The following SYNE3 variants were observed in gnomAD, a reference collection of about 807,000 sequenced individuals.
SYNE3 encodes nesprin-3.
In SYNE3, 100 loss-of-function variants were observed where a neutral mutation model predicts 111.2. The ratio of observed to expected loss-of-function variants is 0.90; its 90% confidence interval spans 0.77 to 1.06. The LOEUF is 1.06. Among genes scored for constraint, SYNE3 ranks in the 50% least tolerant of loss-of-function variants. The probability of loss-of-function intolerance (pLI) is 0.00; values close to 1 mark genes in which losing one functional copy is unlikely to be tolerated. For missense variants in SYNE3, 1,160 were observed against 1,240.3 expected, an observed-to-expected ratio of 0.94 and a Z score of 0.97; for synonymous variants, 547 against 533.9, an observed-to-expected ratio of 1.02 and a Z score of -0.34.
At chr14:95,482,478 A>G (rs187950621) in intron 1 of SYNE3, among the ~76,000 whole-genome samples, 2 of 152,262 alleles carry the variant, frequency 1.3e-5, no homozygotes, top group Admixed American at 1.3e-4. Flanking sequence ...GAAAACACTA[A>G]TTCTTGTCAT....
intron 4 of SYNE3, among the ~76,000 whole-genome samples, chr14:95,463,370 T>C (rs1028680596): frequency 3.3e-5 from 5 of 152,176 alleles, no homozygotes; most frequent in East Asian, 1.9e-4. Flanking sequence ...TGGGCCAGAA[T>C]TGATGCTCAC....
At chr14:95,473,153 G>C (rs980899928) in intron 2 of SYNE3, among the ~76,000 whole-genome samples, 6 of 152,092 alleles carry the variant, frequency 3.9e-5, no homozygotes, top group East Asian at 3.9e-4. Context: ...AAGCATGCCG[G>C]AGCCCCGTGG....
At chr14:95,427,447 C>T (rs932126613) in intron 17 of SYNE3, among the ~76,000 whole-genome samples, 14 of 152,242 alleles carry the variant, frequency 9.2e-5, no homozygotes, top group African/African-American at 2.9e-4. Flanking sequence ...TCAGTGGTCA[C>T]GCTCCTAGTC....
At chr14:95,430,738 T>A (rs758974837) in intron 17 of SYNE3, among the ~76,000 whole-genome samples, 1 of 151,488 alleles carries the variant, frequency 6.6e-6, no homozygotes, top group Non-Finnish European at 1.5e-5. Flanking sequence ...GCAGGAAAAT[T>A]GCTTGAACCT....
At chr14:95,468,017 G>A in intron 2 of SYNE3, 50 bp from the exon 3 acceptor site, 7 of 1,572,304 alleles carry the variant, frequency 4.5e-6, no homozygotes, top group Non-Finnish European at 6.0e-6. Flanking sequence ...AGGCAGACAG[G>A]CACAACCTTG....
chr14:95,451,984 G>A (rs1887113027), intron 7 of SYNE3: 1 of 301,178 alleles, frequency 3.3e-6, no homozygotes, highest in South Asian at 1.2e-4. Context: ...TAACCTGCAT[G>A]AAGAGTCATG....
chr14:95,466,058 G>T lies in SYNE3; in HGVS notation c.500C>A (p.Ala167Glu), dbSNP rs374330729. 6 of 1,613,360 alleles carry T rather than the reference G, an allele frequency of 3.7e-6. No homozygotes were observed. The African/African-American group carries it at 8.0e-5, about 22-fold the overall frequency. Residue 167 changes from alanine to glutamate, a missense_variant, in exon 4 of 18, where the codon GCG becomes GAG. Coordinates refer to ENST00000682763, the MANE Select transcript of SYNE3 (RefSeq NM_152592.6). ...CTCCAGCAGCCGGTCCAGGAGCACC[G>T]CCTGGTTGTCCACGTTGTGCAGCAG... ...QVLLHNVDNQ[A>E]VLLDRLLEEA...
chr14:95,432,633 C>CTATTATTATTAT (rs3036482), intron 16 of SYNE3, among the ~76,000 whole-genome samples: 11 of 142,478 alleles, frequency 7.7e-5, no homozygotes, highest in South Asian at 2.3e-4. Flanking sequence ...ACTAGTTTTG[C>CTATTATTATTAT]TATTATTATT....
chr14:95,444,484 C>A lies in SYNE3; in HGVS notation c.1776+1G>T, dbSNP rs751249792. On this transcript the variant is annotated splice_donor_variant, in intron 10 of 17. Coordinates refer to ENST00000682763, the MANE Select transcript of SYNE3 (RefSeq NM_152592.6). LOFTEE classifies it high-confidence loss of function. ...TGATTCAGGCCTCACAGACCCCTCA[C>A]CTGCAACCTTGAGAGCTGGGCCTGT... 1.7e-5 allele frequency: 28 copies of A among 1,608,214 alleles called. 1 individual carries two copies. The East Asian group carries it at 6.0e-4, about 35-fold the overall frequency.
intron 2 of SYNE3, among the ~76,000 whole-genome samples, chr14:95,473,912 T>C (rs1337304043): frequency 0.031 from 1,314 of 43,036 alleles, no homozygotes; most frequent in Middle Eastern, 0.065. Flanking sequence ...CTGGTGTGAG[T>C]TTGTGAGGTG....
chr14:95,455,209 C>T (rs1271105834), intron 6 of SYNE3, among the ~76,000 whole-genome samples, 168 bp downstream of exon 6: 1 of 152,172 alleles, frequency 6.6e-6, no homozygotes, highest in Non-Finnish European at 1.5e-5. Context: ...GATAAACACC[C>T]AACTTGTCTA....
intron 1 of SYNE3, among the ~76,000 whole-genome samples, chr14:95,489,736 A>G (rs918206864): frequency 6.7e-6 from 1 of 149,900 alleles, no homozygotes; most frequent in African/African-American, 2.5e-5. Flanking sequence ...GTCACGAGCC[A>G]CCATGCCTGG....
chr14:95,459,850 C>T (rs1200453895), intron 4 of SYNE3, among the ~76,000 whole-genome samples: 1 of 152,078 alleles, frequency 6.6e-6, no homozygotes, highest in African/African-American at 2.4e-5. Context: ...ATAATTCTAG[C>T]ATTTTGGGAG....
chr14:95,443,397 C>A, intron 10 of SYNE3, 108 bp from the exon 11 acceptor site: 1 of 1,418,826 alleles, frequency 7.0e-7, no homozygotes, highest in Non-Finnish European at 9.4e-7. Flanking sequence ...GGGGTGAATT[C>A]CCCAAGGCGG....
intron 1 of SYNE3, among the ~76,000 whole-genome samples, chr14:95,489,319 A>G (rs1246081972): frequency 6.6e-6 from 1 of 152,218 alleles, no homozygotes. Flanking sequence ...TAGGGCCTGG[A>G]ATTTCTGAAC....
intron 1 of SYNE3, among the ~76,000 whole-genome samples, chr14:95,501,027 A>G (rs1306818380): frequency 6.6e-6 from 1 of 152,238 alleles, no homozygotes; most frequent in Non-Finnish European, 1.5e-5. Flanking sequence ...CTTTGCATGA[A>G]AGGCAAATGC....
At position 95,443,182 on chromosome 14, in the gene SYNE3, G is replaced by A; in HGVS notation, c.1884C>T (p.Asp628=). 1 of 1,614,120 alleles carries A rather than the reference G, an allele frequency of 6.2e-7. No homozygotes were observed. Among genetic ancestry groups the A allele is most frequent in the Non-Finnish European group, 8.5e-7 (1 of 1,179,984 alleles). ...HQHKMDQLSS[D]FQALQRSLED... is the part of the protein sequence containing the mutation. ...CCAGAGACCTCTGCAGGGCCTGGAA[G>A]TCGGAGGAAAGCTGGTCCATTTTGT... The change falls in exon 11 of 18, where the codon GAC becomes GAT. Residue 628 remains aspartate, a synonymous_variant. Coordinates refer to ENST00000682763, the MANE Select transcript of SYNE3 (RefSeq NM_152592.6).
At chr14:95,434,152 C>T (rs1156420704) in intron 15 of SYNE3, among the ~76,000 whole-genome samples, 1 of 151,698 alleles carries the variant, frequency 6.6e-6, no homozygotes, top group Non-Finnish European at 1.5e-5. Flanking sequence ...CAGGTAATGG[C>T]CAACTAGATA....
chr14:95,445,770 G>A lies in SYNE3; in HGVS notation c.1632+139C>T. The A allele has an allele frequency of 6.7e-6, 6 of 893,212 alleles. No homozygotes were observed. The South Asian group carries it at 9.9e-5, about 15-fold the overall frequency. The allele number at this position is 893,212 out of a possible 1,614,324, so 55.3% of individuals were successfully genotyped here. A position where few individuals can be genotyped will look rare whatever the true frequency, so the allele number is the denominator to read the frequency against. On this transcript the variant is annotated intron_variant, in intron 9 of 17. Transcript: ENST00000682763. ...ACACATGAGGAGGCTGAGATGGTCAGGGACAAAGGGATACACCCAGGGCCA... is the reference window on the plus strand; with the variant it reads ...ACACATGAGGAGGCTGAGATGGTCAAGGACAAAGGGATACACCCAGGGCCA...
Sources: gnomAD v4.1 joint callset for allele counts (sites outside exome capture counted in the v4.1 genomes callset) on GRCh38, gnomAD v4.1.1 for gene constraint, MANE v1.5 for transcripts, NCBI Gene and HGNC (gene_info 2026-07-23, HGNC 2026-07-21) for gene names.